The following SLC27A6 variants were observed in gnomAD, a reference collection of about 807,000 sequenced individuals.
The protein encoded by SLC27A6 is long-chain fatty acid transport protein 6.
In SLC27A6, 74 loss-of-function variants were observed where a neutral mutation model predicts 63.9. That is an observed-to-expected ratio of 1.16 (90% CI 0.96 to 1.40). SLC27A6 has a LOEUF of 1.40. Among genes scored for constraint, SLC27A6 ranks in the 40% most tolerant of loss-of-function variants. The pLI is 0.00. For synonymous variants in SLC27A6, 287 were observed against 260.8 expected (o/e 1.10, Z -0.97); for missense variants, 794 against 732.9 (o/e 1.08, Z -0.96).
rs374415614 is a variant in SLC27A6 at position 129,029,687 on chromosome 5, C to T, written c.1663C>T (p.Pro555Ser). The change falls in exon 9 of 10, where the codon CCA (proline) becomes TCA (serine). Residue 555 changes from proline to serine, a missense_variant. Transcript: ENST00000262462. ...AACATTTCTACCAGCTTATGCTTGT[C>T]CACGATTTTTAAGAATTCAGGTAAT... Reference protein sequence around the residue: ...VVTFLPAYACPRFLRIQEKME... With the variant: ...VVTFLPAYACSRFLRIQEKME... 66 of 1,597,496 alleles carry T rather than the reference C, an allele frequency of 4.1e-5. No homozygotes were observed. The highest frequency in any genetic ancestry group is 7.2e-5 in the Admixed American group (4 of 55,402).
intron 5 of SLC27A6, among the ~76,000 whole-genome samples, chr5:129,022,321 A>G (rs1156806950): frequency 1.3e-5 from 2 of 152,208 alleles, no homozygotes; most frequent in East Asian, 3.9e-4. Flanking sequence ...CACAGTGTCC[A>G]GCATATAGTT....
At chr5:128,981,597 C>T (rs922387307) in intron 1 of SLC27A6, among the ~76,000 whole-genome samples, 6 of 152,012 alleles carry the variant, frequency 3.9e-5, no homozygotes, top group Admixed American at 2.0e-4. Context: ...TAATGGCATG[C>T]GGCCAGGTAG....
chr5:129,017,342 C>T lies in SLC27A6; in HGVS notation c.1164+1263C>T, dbSNP rs74632944. 5.9e-4 allele frequency among the ~76,000 whole-genome samples: 90 copies of T among 151,910 alleles called. 1 individual carries two copies. In the East Asian group the frequency reaches 0.016, roughly 27 times the overall value. ...AATAAAACATTTCTAAATATCCATT[C>T]ATCAAAGAAAAAATCATAATAGAAA... On this transcript the variant is annotated intron_variant, in intron 5 of 9. Coordinates refer to ENST00000262462, the MANE Select transcript of SLC27A6 (RefSeq NM_001017372.3).
chr5:128,966,697 A>G lies in SLC27A6; in HGVS notation c.481+79A>G, dbSNP rs1580692561. On this transcript the variant is annotated intron_variant, in intron 1 of 9. Coordinates refer to ENST00000262462, the MANE Select transcript of SLC27A6 (RefSeq NM_001017372.3). ...TACCCTTTTTTTTTTCTTTAGGATA[A>G]TTCGTAACTAATATTTTGGGTGAGT... 5 of 1,327,532 alleles carry G rather than the reference A, an allele frequency of 3.8e-6. No individual in the cohort carries two copies. The East Asian group carries it at 1.3e-4, about 35-fold the overall frequency. 82.2% of individuals were successfully genotyped at this position (1,327,532 alleles called of 1,614,324 possible).
chr5:129,003,673 C>T (rs1259374987), intron 4 of SLC27A6, among the ~76,000 whole-genome samples: 1 of 151,848 alleles, frequency 6.6e-6, no homozygotes, highest in Admixed American at 6.6e-5. Context: ...CCTGTCTCTA[C>T]AAAAGTAAAA....
intron 9 of SLC27A6, among the ~76,000 whole-genome samples, chr5:129,032,514 C>A (rs752039501): frequency 2.6e-5 from 4 of 151,920 alleles, no homozygotes; most frequent in Non-Finnish European, 4.4e-5. Flanking sequence ...AAACTGTGAA[C>A]CTTGAGCTAG....
chr5:129,019,094 A>G (rs771761297), intron 5 of SLC27A6, among the ~76,000 whole-genome samples: 1 of 152,138 alleles, frequency 6.6e-6, no homozygotes, highest in Non-Finnish European at 1.5e-5. Flanking sequence ...TTACAAGTGA[A>G]GGAGAAAGAT....
At chr5:129,024,200 A>G (rs1455367669) in intron 6 of SLC27A6, among the ~76,000 whole-genome samples, 2 of 152,144 alleles carry the variant, frequency 1.3e-5, no homozygotes, top group South Asian at 2.1e-4. Flanking sequence ...GATCACTCAG[A>G]TGGTAAATTA....
intron 4 of SLC27A6, among the ~76,000 whole-genome samples, chr5:128,994,149 A>G (rs1462085250): frequency 6.6e-6 from 1 of 152,054 alleles, no homozygotes; most frequent in Non-Finnish European, 1.5e-5. Context: ...CCTGGGTGAC[A>G]GAGCAAGACT....
At chr5:128,985,772 A>G (rs1234854987) in intron 2 of SLC27A6, among the ~76,000 whole-genome samples, 1 of 152,162 alleles carries the variant, frequency 6.6e-6, no homozygotes, top group Non-Finnish European at 1.5e-5. Context: ...AAGTGTTTTA[A>G]TGTACTTGAA....
Position 129,019,721 on chromosome 5 carries a change from A to G in SLC27A6, c.1164+3642A>G, listed in dbSNP as rs187033292. Among the ~76,000 whole-genome samples, 4 of 152,148 alleles carry G rather than the reference A, an allele frequency of 2.6e-5. No individual in the cohort carries two copies. In the East Asian group the frequency reaches 7.7e-4, roughly 29 times the overall value. The stretch of plus-strand genomic sequence containing the variant: ...ATTACACAAATGAGCATCACATAAA[A>G]TAAAAGGAATGTAAACGTTGTTAGG... On this transcript the variant is annotated intron_variant, in intron 5 of 9. Coordinates refer to ENST00000262462, the MANE Select transcript of SLC27A6 (RefSeq NM_001017372.3).
chr5:129,028,458 A>C lies in SLC27A6; in HGVS notation c.1552+16A>C. On this transcript the variant is annotated intron_variant, in intron 8 of 9. Coordinates refer to ENST00000262462, the MANE Select transcript of SLC27A6 (RefSeq NM_001017372.3). Reference sequence around the variant, plus strand: ...GCTATATCAGGTATAAATATATTTCAGATTTTGGAAAGATTCTTAGAATAG... The same window carrying C: ...GCTATATCAGGTATAAATATATTTCCGATTTTGGAAAGATTCTTAGAATAG... 6.9e-7 allele frequency: 1 copy of C among 1,457,280 alleles called. No individual in the cohort carries two copies. The highest frequency in any genetic ancestry group is 9.5e-7 in the Non-Finnish European group (1 of 1,049,022). The allele number at this position is 1,457,280 out of a possible 1,614,324, so 90.3% of individuals were successfully genotyped here.
rs377086229 is a variant in SLC27A6, at chr5:128,989,741, G to A, written c.845-599G>A. Among the ~76,000 whole-genome samples, 11 of 151,928 alleles carry A rather than the reference G, an allele frequency of 7.2e-5. No homozygotes were observed. The East Asian group carries it at 1.7e-3, about 24-fold the overall frequency. On this transcript the variant is annotated intron_variant, in intron 3 of 9. Transcript: ENST00000262462. ...AGATTGAGACCATCCTGGCTAACAC[G>A]GTGAAACCCTGTCTCTACTAAAAAT...
At chr5:129,007,543 A>C (rs1751585521) in intron 4 of SLC27A6, among the ~76,000 whole-genome samples, 2 of 151,982 alleles carry the variant, frequency 1.3e-5, no homozygotes, top group Admixed American at 1.3e-4. Flanking sequence ...TCTTCTTAAT[A>C]CACTATTAAA....
chr5:128,983,595 A>G (rs258002), intron 1 of SLC27A6, among the ~76,000 whole-genome samples: 109,731 of 151,968 alleles, frequency 0.72, 39,644 homozygotes, highest in East Asian at 0.88. Flanking sequence ...GGGCCTGGCC[A>G]ATCTGTATCT....
chr5:129,021,158 C>A (rs1752062971), intron 5 of SLC27A6, among the ~76,000 whole-genome samples: 1 of 148,968 alleles, frequency 6.7e-6, no homozygotes, highest in Non-Finnish European at 1.5e-5. Flanking sequence ...GACCCCATTT[C>A]TAAATCATAG....
At chr5:128,972,258 T>C (rs150227474) in intron 1 of SLC27A6, among the ~76,000 whole-genome samples, 36,628 of 152,008 alleles carry the variant, frequency 0.24, 4,963 homozygotes, top group Middle Eastern at 0.33. Flanking sequence ...GCTCTTCTTG[T>C]GGAGTATCTT....
chr5:128,997,235 C>CAA (rs1221468878), intron 4 of SLC27A6, among the ~76,000 whole-genome samples: 1 of 152,058 alleles, frequency 6.6e-6, no homozygotes, highest in Admixed American at 6.6e-5. Context: ...CTGTAGCTTT[C>CAA]AAAACAATTG....
chr5:129,004,666 A>G (rs983744122), intron 4 of SLC27A6, among the ~76,000 whole-genome samples: 1 of 152,228 alleles, frequency 6.6e-6, no homozygotes, highest in Admixed American at 6.5e-5. Flanking sequence ...TATTCTAAAG[A>G]AGCCATAAGG....
Sources: allele counts gnomAD v4.1 joint callset (sites outside exome capture counted in the v4.1 genomes callset), GRCh38; gene constraint gnomAD v4.1.1; transcripts MANE v1.5; gene names NCBI Gene and HGNC (gene_info 2026-07-23, HGNC 2026-07-21).